The following KCTD8 variants were observed in gnomAD, a reference collection of about 807,000 sequenced individuals.
The protein encoded by KCTD8 is BTB/POZ domain-containing protein KCTD8.
Under a neutral mutation model 31.5 loss-of-function variants are expected in KCTD8, and 27 were observed. The ratio of observed to expected loss-of-function variants is 0.86; its 90% CI spans 0.63 to 1.18. The LOEUF (loss-of-function observed/expected upper bound fraction) is 1.18. KCTD8 is among the 50% of genes most tolerant of loss of function. The pLI is 0.00. For synonymous variants in KCTD8, 290 were observed against 280.0 expected, an observed-to-expected ratio of 1.04 and a Z score of -0.36; for missense variants, 658 against 647.7, an observed-to-expected ratio of 1.02 and a Z score of -0.17.
chr4:44,283,019 A>G (rs1232366034), intron 1 of KCTD8, among the ~76,000 whole-genome samples: 3 of 145,180 alleles, frequency 2.1e-5, no homozygotes, highest in Non-Finnish European at 3.0e-5. Context: ...TACAAAAACA[A>G]CACATTTTAT....
intron 1 of KCTD8, among the ~76,000 whole-genome samples, chr4:44,434,477 A>G (rs1410409797): frequency 6.6e-6 from 1 of 151,944 alleles, no homozygotes; most frequent in Non-Finnish European, 1.5e-5. Context: ...ACTAAAGGAA[A>G]TAGGGTATAA....
intron 1 of KCTD8, among the ~76,000 whole-genome samples, chr4:44,271,057 A>AT: frequency 6.6e-6 from 1 of 152,108 alleles, no homozygotes; most frequent in Non-Finnish European, 1.5e-5. Context: ...CCCTCTCCAC[A>AT]TATCACAAAG....
At position 44,382,365 on chromosome 4, in the gene KCTD8, C is replaced by A. The variant is rs564035330; in HGVS notation, c.961+65198G>T. 2.6e-5 allele frequency among the ~76,000 whole-genome samples: 4 copies of A among 152,092 alleles called. No homozygotes were observed. In the East Asian group the frequency reaches 7.8e-4, roughly 30 times the overall value. ...GGAGCATACATCAATACAATAAAGG[C>A]CATATATGACAAACCCATGTTTAAC... On this transcript the variant is annotated intron_variant, in intron 1 of 1. Transcript: ENST00000360029.
chr4:44,315,891 T>C (rs964185758), intron 1 of KCTD8, among the ~76,000 whole-genome samples: 1 of 152,158 alleles, frequency 6.6e-6, no homozygotes, highest in Admixed American at 6.6e-5. Flanking sequence ...TAAATAGTTT[T>C]AAGGTTTTTC....
chr4:44,242,091 T>A (rs1323635381), intron 1 of KCTD8, among the ~76,000 whole-genome samples: 1 of 152,230 alleles, frequency 6.6e-6, no homozygotes, highest in African/African-American at 2.4e-5. Context: ...GCAAAAAATC[T>A]GGAAAGTGAA....
rs80338115 is a variant in KCTD8 at position 44,360,350 on chromosome 4, C to T, written c.961+87213G>A. On this transcript the variant is annotated intron_variant, in intron 1 of 1. Transcript: ENST00000360029. ...CCTGTTTTGCTTTACACACTTAGTA[C>T]ATATGATTTGCTTTCCATCAGTGCC... Among the ~76,000 whole-genome samples the T allele has an allele frequency of 4.2e-3, 639 of 152,096 alleles. 10 individuals are homozygous for T. In the East Asian group the frequency reaches 0.057, roughly 14 times the overall value.
chr4:44,338,065 G>C (rs1015158981), intron 1 of KCTD8, among the ~76,000 whole-genome samples: 2 of 151,970 alleles, frequency 1.3e-5, no homozygotes, highest in Non-Finnish European at 2.9e-5. Context: ...ATTTAAATCA[G>C]CATTGCATCA....
At chr4:44,262,530 A>C (rs1478624500) in intron 1 of KCTD8, among the ~76,000 whole-genome samples, 1 of 152,044 alleles carries the variant, frequency 6.6e-6, no homozygotes, top group Non-Finnish European at 1.5e-5. Flanking sequence ...CCTTGGAGTG[A>C]GGGAAAAAAA....
At chr4:44,277,591 A>T (rs1716788582) in intron 1 of KCTD8, among the ~76,000 whole-genome samples, 1 of 151,850 alleles carries the variant, frequency 6.6e-6, no homozygotes. Flanking sequence ...GAACAATTAT[A>T]TCAGGCTATA....
rs181183075 is a variant in KCTD8, at chr4:44,366,226, T to A, written c.961+81337A>T. ...ACACGGAGGCTTATATGTGGGGACC[T>A]CCATGAAGGAGACTCATATGGTTTG... On this transcript the variant is annotated intron_variant, in intron 1 of 1. Transcript: ENST00000360029. Among the ~76,000 whole-genome samples the A allele has an allele frequency of 5.1e-3, 784 of 152,264 alleles. 9 individuals carry two copies. The highest frequency in any genetic ancestry group is 0.017 in the African/African-American group (725 of 41,544).
At chr4:44,237,703 A>G (rs903507862) in intron 1 of KCTD8, among the ~76,000 whole-genome samples, 1 of 152,228 alleles carries the variant, frequency 6.6e-6, no homozygotes, top group Non-Finnish European at 1.5e-5. Context: ...ATAAAATAAT[A>G]TAAGAAATAT....
In KCTD8 at chr4:44,431,387, AG is replaced by A. The variant is rs369312212; in HGVS notation, c.961+16175del. Among the ~76,000 whole-genome samples, 35 of 151,610 alleles carry A rather than the reference AG, an allele frequency of 2.3e-4. No homozygotes were observed. The East Asian group carries it at 6.2e-3, about 27-fold the overall frequency. ...ATATTTGCTATTATCTTCGGGATAA[AG>A]ATCTTACTTATTTTGTTTCCCCACC... On this transcript the variant is annotated intron_variant, in intron 1 of 1. Coordinates refer to ENST00000360029, the MANE Select transcript of KCTD8 (RefSeq NM_198353.3).
chr4:44,312,427 T>C (rs1488059627), intron 1 of KCTD8, among the ~76,000 whole-genome samples: 1 of 152,180 alleles, frequency 6.6e-6, no homozygotes. Flanking sequence ...TTAATACTGA[T>C]GTTGGTCTTT....
chr4:44,398,810 G>A (rs1303115137), intron 1 of KCTD8, among the ~76,000 whole-genome samples: 1 of 152,138 alleles, frequency 6.6e-6, no homozygotes, highest in East Asian at 1.9e-4. Context: ...AGCATTTACT[G>A]AGCACTCTAT....
intron 1 of KCTD8, among the ~76,000 whole-genome samples, chr4:44,427,989 A>C (rs1319608556): frequency 6.6e-6 from 1 of 151,776 alleles, no homozygotes; most frequent in Non-Finnish European, 1.5e-5. Context: ...ATCTTATGAT[A>C]GCAGTGGAGG....
chr4:44,281,517 T>C (rs1212353371), intron 1 of KCTD8, among the ~76,000 whole-genome samples: 2 of 152,142 alleles, frequency 1.3e-5, no homozygotes, highest in Non-Finnish European at 2.9e-5. Flanking sequence ...CATTAAATAC[T>C]GGGGTCTGAC....
At chr4:44,426,638 T>G (rs1172188321) in intron 1 of KCTD8, among the ~76,000 whole-genome samples, 1 of 151,728 alleles carries the variant, frequency 6.6e-6, no homozygotes, top group Non-Finnish European at 1.5e-5. Context: ...AATATAAAAA[T>G]TTCAAATTGG....
At chr4:44,321,586 C>T (rs543772553) in intron 1 of KCTD8, among the ~76,000 whole-genome samples, 10 of 152,180 alleles carry the variant, frequency 6.6e-5, no homozygotes, top group Non-Finnish European at 7.4e-5. Context: ...CCACCTCAAA[C>T]GTTTATCTTT....
intron 1 of KCTD8, among the ~76,000 whole-genome samples, chr4:44,279,094 T>C (rs1328673011): frequency 6.6e-6 from 1 of 152,104 alleles, no homozygotes; most frequent in Non-Finnish European, 1.5e-5. Context: ...CCTTTACATT[T>C]CATTTTTATG....
Sources: allele counts gnomAD v4.1 joint callset (sites outside exome capture counted in the v4.1 genomes callset), GRCh38; gene constraint gnomAD v4.1.1; transcripts MANE v1.5; gene names NCBI Gene and HGNC (gene_info 2026-07-23, HGNC 2026-07-21).